CA10: variants seen among roughly 807,000 people sequenced by gnomAD.
CA10 encodes carbonic anhydrase-related protein 10.
Under a neutral mutation model 44.2 loss-of-function variants are expected in CA10, and 14 were observed. The ratio of observed to expected loss-of-function variants is 0.32; its 90% CI spans 0.21 to 0.50. The LOEUF (loss-of-function observed/expected upper bound fraction) is 0.50, where lower values mean the gene tolerates loss of function less well. CA10 is among the 20% of genes least tolerant of loss of function. The probability of loss-of-function intolerance (pLI) is 0.99; values close to 1 mark genes in which losing one functional copy is unlikely to be tolerated. For missense variants in CA10, 350 were observed against 409.7 expected, an observed-to-expected ratio of 0.85 and a Z score of 1.26; for synonymous variants, 159 against 141.6, an observed-to-expected ratio of 1.12 and a Z score of -0.87.
At chr17:51,946,493 A>G (rs1283880068) in intron 2 of CA10, among the ~76,000 whole-genome samples, 1 of 152,058 alleles carries the variant, frequency 6.6e-6, no homozygotes, top group African/African-American at 2.4e-5. Context: ...TCTGGCAGCA[A>G]TCCATCCCGT....
In CA10 at chr17:52,035,092, G is replaced by T. The variant is rs531493917; in HGVS notation, c.136+37227C>A. Among the ~76,000 whole-genome samples, 6 of 152,248 alleles carry T rather than the reference G, an allele frequency of 3.9e-5. No homozygotes were observed. In the South Asian group the frequency reaches 1.2e-3, roughly 32 times the overall value. ...TCTGGTGAAGCCCCACCTTCAAGCTGAAAAGCCTGAAACAACAGCCCAAAG... is the reference window on the plus strand; with the variant it reads ...TCTGGTGAAGCCCCACCTTCAAGCTTAAAAGCCTGAAACAACAGCCCAAAG... On this transcript the variant is annotated intron_variant, in intron 2 of 8. Transcript: ENST00000451037.
chr17:51,872,223 C>G (rs764709777), intron 3 of CA10, among the ~76,000 whole-genome samples: 1 of 152,154 alleles, frequency 6.6e-6, no homozygotes, highest in Non-Finnish European at 1.5e-5. Flanking sequence ...CTTTTGATAG[C>G]ACAAAGAATA....
At chr17:52,109,930 C>T (rs1446916661) in intron 1 of CA10, among the ~76,000 whole-genome samples, 1 of 152,146 alleles carries the variant, frequency 6.6e-6, no homozygotes, top group Admixed American at 6.5e-5. Context: ...GCATCACATC[C>T]CATGCATCCT....
intron 3 of CA10, among the ~76,000 whole-genome samples, chr17:51,800,225 C>T (rs1005576717): frequency 6.6e-5 from 10 of 152,046 alleles, no homozygotes; most frequent in South Asian, 2.1e-4. Flanking sequence ...GAAAACATTA[C>T]GTTAAATGCA....
chr17:52,101,484 G>A (rs987768250), intron 1 of CA10, among the ~76,000 whole-genome samples: 3 of 152,224 alleles, frequency 2.0e-5, no homozygotes, highest in East Asian at 1.9e-4. Flanking sequence ...ATCCCTAAGC[G>A]AGGGCCACCA....
chr17:51,667,064 A>T (rs985104545), intron 4 of CA10, among the ~76,000 whole-genome samples: 2 of 152,248 alleles, frequency 1.3e-5, no homozygotes, highest in Non-Finnish European at 2.9e-5. Flanking sequence ...CAATCCAGGG[A>T]TAGTCATATT....
chr17:51,865,475 A>T (rs1408325033), intron 3 of CA10, among the ~76,000 whole-genome samples: 1 of 152,198 alleles, frequency 6.6e-6, no homozygotes, highest in Non-Finnish European at 1.5e-5. Flanking sequence ...TTGAAAAGAC[A>T]TTTATAGTGC....
intron 3 of CA10, among the ~76,000 whole-genome samples, chr17:51,769,770 A>G (rs1335920846): frequency 1.3e-5 from 2 of 152,216 alleles, no homozygotes; most frequent in Non-Finnish European, 2.9e-5. Context: ...GTTGATCAAC[A>G]TGAATTGATT....
intron 2 of CA10, among the ~76,000 whole-genome samples, chr17:52,029,407 T>A (rs1337146460): frequency 3.3e-5 from 5 of 152,172 alleles, no homozygotes; most frequent in African/African-American, 1.2e-4. Flanking sequence ...CACACTGATT[T>A]AGATAGAGCA....
chr17:51,810,946 C>T (rs1907336541), intron 3 of CA10, among the ~76,000 whole-genome samples: 1 of 152,224 alleles, frequency 6.6e-6, no homozygotes. Flanking sequence ...GGCACAGTGG[C>T]TTACGCCTGT....
intron 3 of CA10, among the ~76,000 whole-genome samples, chr17:51,798,900 A>G (rs923520883): frequency 2.0e-5 from 3 of 152,198 alleles, no homozygotes; most frequent in African/African-American, 4.8e-5. Flanking sequence ...CGCATCACCA[A>G]ACATTTTTAA....
chr17:52,107,774 T>C (rs1432585179), intron 1 of CA10, among the ~76,000 whole-genome samples: 3 of 152,180 alleles, frequency 2.0e-5, no homozygotes, highest in Admixed American at 2.0e-4. Flanking sequence ...ATCATTTTGG[T>C]GGATTACCCA....
chr17:51,651,790 C>G (rs1032815543), intron 5 of CA10, among the ~76,000 whole-genome samples: 1 of 152,124 alleles, frequency 6.6e-6, no homozygotes, highest in Non-Finnish European at 1.5e-5. Context: ...GGACCAAGGC[C>G]GAGACACTCT....
chr17:52,146,041 A>G lies in CA10; in HGVS notation c.61+11685T>C, dbSNP rs554578868. Among the ~76,000 whole-genome samples, 18 of 152,372 alleles carry G rather than the reference A, an allele frequency of 1.2e-4. No homozygotes were observed. The South Asian group carries it at 2.7e-3, about 23-fold the overall frequency. On this transcript the variant is annotated intron_variant, in intron 1 of 8. Transcript: ENST00000451037. ...TACATGAATAAACTACTATGGAAATATAAGAAAAAAATAATGCATATTGAA... is the reference window on the plus strand; with the variant it reads ...TACATGAATAAACTACTATGGAAATGTAAGAAAAAAATAATGCATATTGAA...
In CA10 at chr17:51,734,178, TGGG is replaced by T. The variant is rs11302511; in HGVS notation, c.465+13452_465+13454del. On this transcript the variant is annotated intron_variant, in intron 4 of 8. Coordinates refer to ENST00000451037, the MANE Select transcript of CA10 (RefSeq NM_020178.5). ...ACAAAGTGTGTACTCAATCTTTGGT[TGGG>T]GGGGGGGGGTTCCAATGTAACACAA... Among the ~76,000 whole-genome samples, 221 of 130,208 alleles carry T rather than the reference TGGG, an allele frequency of 1.7e-3. 3 individuals carry two copies. The highest frequency in any genetic ancestry group is 5.5e-3 in the African/African-American group (200 of 36,296). The allele number at this position is 130,208 out of a possible 152,430, so 85.4% of individuals were successfully genotyped here.
intron 3 of CA10, among the ~76,000 whole-genome samples, chr17:51,797,248 G>A (rs1187856543): frequency 1.3e-5 from 2 of 152,238 alleles, no homozygotes; most frequent in Admixed American, 1.3e-4. Flanking sequence ...AGGATATCCA[G>A]TTGTCCACAC....
At chr17:51,939,587 T>C (rs1201823112) in intron 2 of CA10, among the ~76,000 whole-genome samples, 1 of 152,120 alleles carries the variant, frequency 6.6e-6, no homozygotes, top group Admixed American at 6.5e-5. Flanking sequence ...TTGGATGTTA[T>C]TTATTATTTA....
At chr17:52,006,780 T>C (rs1985613932) in intron 2 of CA10, among the ~76,000 whole-genome samples, 2 of 151,960 alleles carry the variant, frequency 1.3e-5, no homozygotes, top group South Asian at 4.1e-4. Flanking sequence ...TATAAATACA[T>C]CTTCTAAAAA....
intron 2 of CA10, among the ~76,000 whole-genome samples, chr17:52,052,289 CTT>C (rs371554982): frequency 4.7e-5 from 1 of 21,082 alleles, no homozygotes; most frequent in Non-Finnish European, 1.1e-4. Flanking sequence ...ACTTAAAAGG[CTT>C]TTTTTTTTAA....
Sources: gnomAD v4.1 joint callset for allele counts (sites outside exome capture counted in the v4.1 genomes callset) on GRCh38, gnomAD v4.1.1 for gene constraint, MANE v1.5 for transcripts, NCBI Gene and HGNC (gene_info 2026-07-23, HGNC 2026-07-21) for gene names.